Variants in MAPT observed in about 807,000 individuals in gnomAD.
MAPT encodes microtubule associated protein tau, also known as microtubule-associated protein tau.
A neutral mutation model predicts 67.9 loss-of-function variants in MAPT; 34 were observed. The ratio of observed to expected loss-of-function variants is 0.50; its 90% CI spans 0.38 to 0.67. MAPT has a LOEUF of 0.67. MAPT is among the 30% of genes least tolerant of loss of function. The pLI is 0.00. For synonymous variants in MAPT, 456 were observed against 464.5 expected (o/e 0.98, Z 0.23); for missense variants, 881 against 1,115.2 (o/e 0.79, Z 2.99).
intron 9 of MAPT, among the ~76,000 whole-genome samples, chr17:46,004,485 C>T (rs921395108): frequency 1.3e-5 from 2 of 152,160 alleles, no homozygotes; most frequent in Non-Finnish European, 2.9e-5. Context: ...TCGTTCTCTC[C>T]CTTGATGGTT....
intron 11 of MAPT, among the ~76,000 whole-genome samples, chr17:46,017,851 A>C (rs1381900570): frequency 6.6e-6 from 1 of 150,538 alleles, no homozygotes; most frequent in African/African-American, 2.4e-5. Flanking sequence ...TATAGAAAAG[A>C]CTTCACTTAA....
chr17:45,948,611 G>C (rs1321491232), intron 1 of MAPT, among the ~76,000 whole-genome samples: 1 of 152,138 alleles, frequency 6.6e-6, no homozygotes, highest in Non-Finnish European at 1.5e-5. Context: ...GTCTGCTGCT[G>C]GTGCCAGGAT....
chr17:45,940,381 G>A (rs2067746299), intron 1 of MAPT, among the ~76,000 whole-genome samples: 1 of 152,212 alleles, frequency 6.6e-6, no homozygotes, highest in African/African-American at 2.4e-5. Flanking sequence ...TCACCTGTCT[G>A]TGCTTCAGAG....
At chr17:46,022,615 C>T (rs2146207562) in intron 12 of MAPT, among the ~76,000 whole-genome samples, 1 of 152,220 alleles carries the variant, frequency 6.6e-6, no homozygotes, top group East Asian at 1.9e-4. Context: ...GCTCAAAGAG[C>T]CTAGGACCCA....
rs996469110 is a variant in MAPT at position 46,006,991 on chromosome 17, A to G, written c.1999-3319A>G. On this transcript the variant is annotated intron_variant, in intron 9 of 12. Coordinates refer to ENST00000262410, the MANE Select transcript of MAPT (RefSeq NM_001377265.1). Reference sequence around the variant, plus strand: ...AAATAAAATAAAATAAATAAAATAAAATAAAATGTATAATTGGAATGTTTA... The same window carrying G: ...AAATAAAATAAAATAAATAAAATAAGATAAAATGTATAATTGGAATGTTTA... Among the ~76,000 whole-genome samples, 137 of 150,390 alleles carry G rather than the reference A, an allele frequency of 9.1e-4. 1 individual carries two copies. The highest frequency in any genetic ancestry group is 4.8e-3 in the East Asian group (25 of 5,182).
rs183607461 is a variant in MAPT at position 45,989,282 on chromosome 17, G to A, written c.1408-596G>A. ...TTTAAACCAGTCGTCTCCAAATTCAGGGGCACAGTAACATCCAACAGGCTG... is the reference window on the plus strand; with the variant it reads ...TTTAAACCAGTCGTCTCCAAATTCAAGGGCACAGTAACATCCAACAGGCTG... On this transcript the variant is annotated intron_variant, in intron 6 of 12. Transcript: ENST00000262410. Among the ~76,000 whole-genome samples the A allele has an allele frequency of 2.0e-5, 3 of 152,280 alleles. No homozygotes were observed. In the East Asian group the frequency reaches 5.8e-4, roughly 29 times the overall value.
chr17:45,928,520 T>A (rs977858417), intron 1 of MAPT, among the ~76,000 whole-genome samples: 1 of 152,172 alleles, frequency 6.6e-6, no homozygotes, highest in Non-Finnish European at 1.5e-5. Context: ...TGTACCTATG[T>A]CACTCATTGC....
chr17:45,924,361 T>C lies in MAPT; in HGVS notation c.-18+29675T>C, dbSNP rs548599987. Among the ~76,000 whole-genome samples the C allele has an allele frequency of 1.8e-4, 27 of 152,356 alleles. 1 individual carries two copies. In the South Asian group the frequency reaches 5.6e-3, roughly 32 times the overall value. ...GGCTCTTTTGCTCAGTTCCTCACCA[T>C]TAGCAGGGATGACAGGGAGTGCAGG... On this transcript the variant is annotated intron_variant, in intron 1 of 12. Coordinates refer to ENST00000262410, the MANE Select transcript of MAPT (RefSeq NM_001377265.1).
chr17:46,006,004 A>G (rs2075383272), intron 9 of MAPT, among the ~76,000 whole-genome samples: 1 of 152,176 alleles, frequency 6.6e-6, no homozygotes, highest in Non-Finnish European at 1.5e-5. Context: ...TAACGTGGGG[A>G]CGGTGGGCAA....
chr17:45,958,842 C>A (rs2070044874), intron 1 of MAPT, among the ~76,000 whole-genome samples: 1 of 152,050 alleles, frequency 6.6e-6, no homozygotes, highest in Admixed American at 6.6e-5. Flanking sequence ...GCAGGCAGAT[C>A]ACTTGAGATC....
chr17:45,921,269 C>T (rs1368818109), intron 1 of MAPT, among the ~76,000 whole-genome samples: 1 of 152,152 alleles, frequency 6.6e-6, no homozygotes, highest in Non-Finnish European at 1.5e-5. Flanking sequence ...CCGGAATGGA[C>T]CATCAACATC....
intron 1 of MAPT, chr17:45,908,222 T>G (rs1329632198): frequency 6.6e-6 from 1 of 152,232 alleles, no homozygotes; most frequent in Admixed American, 6.5e-5. Context: ...GAGAAGCTCA[T>G]TTTTCTTCCG....
chr17:46,014,477 G>A (rs1004173471), intron 11 of MAPT, among the ~76,000 whole-genome samples, 153 bp downstream of exon 11: 1 of 152,232 alleles, frequency 6.6e-6, no homozygotes, highest in African/African-American at 2.4e-5. Flanking sequence ...AAACTTGCGG[G>A]AGCCCAGGAG....
intron 1 of MAPT, among the ~76,000 whole-genome samples, chr17:45,904,013 T>G (rs867695239): frequency 8.5e-5 from 1 of 11,724 alleles, no homozygotes; most frequent in East Asian, 2.9e-3. Context: ...ATTATATATA[T>G]TATATATTAT....
At chr17:45,943,843 G>A (rs1279021556) in intron 1 of MAPT, among the ~76,000 whole-genome samples, 1 of 152,146 alleles carries the variant, frequency 6.6e-6, no homozygotes, top group African/African-American at 2.4e-5. Flanking sequence ...TCCTTTTGAA[G>A]TTTACCTTCG....
chr17:46,013,726 G>C (rs62062269), intron 10 of MAPT, among the ~76,000 whole-genome samples: 21,798 of 152,112 alleles, frequency 0.14, 2,130 homozygotes, highest in Non-Finnish European at 0.22. Context: ...TAAAGCCCAC[G>C]CATCGACCCT....
intron 1 of MAPT, among the ~76,000 whole-genome samples, chr17:45,952,995 A>T (rs1012285552): frequency 7.9e-6 from 1 of 126,828 alleles, no homozygotes; most frequent in Non-Finnish European, 1.6e-5. Flanking sequence ...CCTGGGAATC[A>T]TAACACCTAT....
chr17:45,983,990 G>C, intron 5 of MAPT, 60 bp downstream of exon 5: 1 of 1,424,396 alleles, frequency 7.0e-7, no homozygotes, highest in Non-Finnish European at 9.5e-7. Context: ...CCCAGGCTGC[G>C]GGCACTGCCA....
intron 1 of MAPT, among the ~76,000 whole-genome samples, chr17:45,914,342 A>C (rs1190071859): frequency 6.6e-6 from 1 of 151,944 alleles, no homozygotes. Context: ...CTATGTGAGC[A>C]GAGGCATCCA....
Sources: allele counts gnomAD v4.1 joint callset (sites outside exome capture counted in the v4.1 genomes callset), GRCh38; gene constraint gnomAD v4.1.1; transcripts MANE v1.5; gene names NCBI Gene and HGNC (gene_info 2026-07-23, HGNC 2026-07-21).